The following RTN1 variants were observed in gnomAD, a reference collection of about 807,000 sequenced individuals.
RTN1 encodes the protein reticulon 1, also known as reticulon-1.
In RTN1, 25 loss-of-function variants were observed where a neutral mutation model predicts 65.5. The ratio of observed to expected loss-of-function variants is 0.38; its 90% CI spans 0.28 to 0.53. The LOEUF is 0.53. Ranked by LOEUF, RTN1 falls within the 20% of genes least tolerant of loss-of-function variation. RTN1 has a pLI of 0.79. For synonymous variants in RTN1, 471 were observed against 447.6 expected (o/e 1.05, Z -0.66); for missense variants, 983 against 1,025.4 (o/e 0.96, Z 0.57).
At chr14:59,818,790 T>C (rs1449381206) in intron 1 of RTN1, among the ~76,000 whole-genome samples, 1 of 152,248 alleles carries the variant, frequency 6.6e-6, no homozygotes, top group East Asian at 1.9e-4. Flanking sequence ...TAGCAGTGTA[T>C]AAGCATTTCC....
At chr14:59,767,146 C>A (rs1363872631) in intron 1 of RTN1, among the ~76,000 whole-genome samples, 1 of 152,242 alleles carries the variant, frequency 6.6e-6, no homozygotes, top group South Asian at 2.1e-4. Flanking sequence ...TTGCTACCTT[C>A]CCTGCCAAGG....
chr14:59,861,847 G>A (rs769732840), intron 1 of RTN1, among the ~76,000 whole-genome samples: 1 of 151,812 alleles, frequency 6.6e-6, no homozygotes, highest in Non-Finnish European at 1.5e-5. Context: ...CTCTCAAATG[G>A]CATGTTTTCC....
chr14:59,821,880 A>C (rs1886950350), intron 1 of RTN1, among the ~76,000 whole-genome samples: 1 of 152,136 alleles, frequency 6.6e-6, no homozygotes, highest in Non-Finnish European at 1.5e-5. Context: ...ATCATAGTGG[A>C]TTAGCTTTTT....
chr14:59,752,019 A>C (rs1885532836), intron 1 of RTN1, among the ~76,000 whole-genome samples: 1 of 152,030 alleles, frequency 6.6e-6, no homozygotes, highest in African/African-American at 2.4e-5. Flanking sequence ...CTCCAATTCA[A>C]ATTCTAAGCT....
intron 3 of RTN1, among the ~76,000 whole-genome samples, chr14:59,684,322 T>C (rs747940890): frequency 1.2e-4 from 19 of 152,174 alleles, no homozygotes; most frequent in Non-Finnish European, 1.9e-4. Context: ...TACTGATTTT[T>C]CACATTACTT....
intron 1 of RTN1, among the ~76,000 whole-genome samples, chr14:59,755,376 A>G (rs1257859813): frequency 6.6e-6 from 1 of 152,196 alleles, no homozygotes; most frequent in Admixed American, 6.5e-5. Flanking sequence ...AAGTGTGGGC[A>G]TAATAAAAAA....
chr14:59,815,512 C>A (rs1886804305), intron 1 of RTN1, among the ~76,000 whole-genome samples: 1 of 152,204 alleles, frequency 6.6e-6, no homozygotes, highest in Non-Finnish European at 1.5e-5. Flanking sequence ...TCACAAGATT[C>A]TCAGATGGTA....
chr14:59,614,975 T>C (rs899330784), intron 3 of RTN1, among the ~76,000 whole-genome samples: 26 of 152,204 alleles, frequency 1.7e-4, no homozygotes, highest in African/African-American at 6.3e-4. Context: ...TAGCTTTTGT[T>C]AAAGGGAATG....
chr14:59,800,706 A>G (rs1886529177), intron 1 of RTN1, among the ~76,000 whole-genome samples: 1 of 152,182 alleles, frequency 6.6e-6, no homozygotes, highest in Non-Finnish European at 1.5e-5. Flanking sequence ...GGCCAAAAAT[A>G]CATCTTAAAA....
Position 59,727,501 on chromosome 14 carries a change from T to C in RTN1, c.1183A>G (p.Ile395Val). Residue 395 changes from isoleucine (I) to valine (V), a missense_variant, in exon 3 of 9, where the codon ATC becomes GTC. Physicochemically the swap from Ile to Val is conservative, Grantham distance 29. Transcript: ENST00000267484. The surrounding 1 kb of genome is among the most constrained non-coding windows in gnomAD (Gnocchi z 4.2). ...EVKARSGPPT[I>V]PSPLDHEASS... Reference sequence around the variant, plus strand: ...GCCTCGTGGTCCAGGGGGCTGGGGATGGTTGGCGGTCCGGACCTGGCCTTG... The same window carrying C: ...GCCTCGTGGTCCAGGGGGCTGGGGACGGTTGGCGGTCCGGACCTGGCCTTG... The C allele has an allele frequency of 6.3e-7, 1 of 1,595,130 alleles. No individual in the cohort carries two copies.
intron 1 of RTN1, among the ~76,000 whole-genome samples, chr14:59,853,101 A>C (rs551266504): frequency 6.6e-6 from 1 of 152,294 alleles, no homozygotes; most frequent in Admixed American, 6.5e-5. Flanking sequence ...TTAGAAAGTT[A>C]TTTCATTTCC....
intron 1 of RTN1, among the ~76,000 whole-genome samples, chr14:59,782,154 C>A (rs1886167203): frequency 1.3e-5 from 2 of 152,136 alleles, no homozygotes; most frequent in South Asian, 4.1e-4. Context: ...CCAAATCTGC[C>A]TTGATCTTGA....
chr14:59,817,021 G>C (rs1886833101), intron 1 of RTN1, among the ~76,000 whole-genome samples: 1 of 152,096 alleles, frequency 6.6e-6, no homozygotes, highest in South Asian at 2.1e-4. Flanking sequence ...ATGACAAATA[G>C]TGCCTGGTGA....
At chr14:59,635,805 C>T (rs73309607) in intron 3 of RTN1, among the ~76,000 whole-genome samples, 2,902 of 152,190 alleles carry the variant, frequency 0.019, 96 homozygotes, top group African/African-American at 0.066. Flanking sequence ...CACTTAACAT[C>T]GTTGATAGGT....
intron 3 of RTN1, among the ~76,000 whole-genome samples, chr14:59,638,850 A>C (rs1297228676): frequency 6.6e-6 from 1 of 152,202 alleles, no homozygotes; most frequent in Non-Finnish European, 1.5e-5. Flanking sequence ...CTTATCAATC[A>C]TGTGTTCACT....
chr14:59,629,792 T>C (rs1458591799), intron 3 of RTN1, among the ~76,000 whole-genome samples: 1 of 152,160 alleles, frequency 6.6e-6, no homozygotes, highest in Non-Finnish European at 1.5e-5. Flanking sequence ...CACTGTTTCG[T>C]TCTTTCCCTC....
intron 3 of RTN1, among the ~76,000 whole-genome samples, chr14:59,682,096 C>T (rs574297467): frequency 1.3e-5 from 2 of 152,282 alleles, no homozygotes; most frequent in African/African-American, 4.8e-5. Flanking sequence ...CCCATCTCCC[C>T]ATCTTCATCT....
chr14:59,863,612 A>G (rs1887748147), intron 1 of RTN1, among the ~76,000 whole-genome samples: 1 of 151,624 alleles, frequency 6.6e-6, no homozygotes, highest in African/African-American at 2.4e-5. Context: ...GTCAACACTC[A>G]CTCCCTTGGT....
In RTN1 at chr14:59,836,258, C is replaced by G. The variant is rs1025904198; in HGVS notation, c.241+34132G>C. Among the ~76,000 whole-genome samples, 4 of 152,254 alleles carry G rather than the reference C, an allele frequency of 2.6e-5. No individual in the cohort carries two copies. Among genetic ancestry groups the G allele is most frequent in the African/African-American group, 9.6e-5 (4 of 41,470 alleles). ...GTGGACACCTTTGGGAGCCATTATT[C>G]TGCCTACCACTGCAGTTAGCATTTT... On this transcript the variant is annotated intron_variant, in intron 1 of 8. Transcript: ENST00000267484. This position sits in a 1 kb window ranked among gnomAD's most constrained non-coding sequence, Gnocchi z 4.9.
Sources: gnomAD v4.1 joint callset for allele counts (sites outside exome capture counted in the v4.1 genomes callset) on GRCh38, gnomAD v4.1.1 for gene constraint, Gnocchi (gnomAD v3.1) non-coding constraint, MANE v1.5 for transcripts, NCBI Gene and HGNC (gene_info 2026-07-23, HGNC 2026-07-21) for gene names.